MAPK4: variants seen among roughly 807,000 people sequenced by gnomAD.
MAPK4 encodes mitogen-activated protein kinase 4, also known as Erk3-related.
A neutral mutation model predicts 47.7 loss-of-function variants in MAPK4; 22 were observed. The observed-to-expected ratio is 0.46, with a 90% CI of 0.33 to 0.66. The LOEUF is 0.66. Among genes scored for constraint, MAPK4 ranks in the 30% least tolerant of loss-of-function variants. The pLI, the probability that MAPK4 is intolerant of heterozygous loss-of-function variation, is 0.02. For missense variants in MAPK4, 736 were observed against 831.7 expected, an observed-to-expected ratio of 0.88 and a Z score of 1.42; for synonymous variants, 390 against 365.7, an observed-to-expected ratio of 1.07 and a Z score of -0.76.
intron 1 of MAPK4, among the ~76,000 whole-genome samples, chr18:50,592,822 C>T (rs1195186898): frequency 6.6e-6 from 1 of 152,160 alleles, no homozygotes; most frequent in South Asian, 2.1e-4. Context: ...TCATCTAATG[C>T]AGGTAGGTAC....
chr18:50,594,403 A>T (rs1008077411), intron 1 of MAPK4, among the ~76,000 whole-genome samples: 2 of 152,210 alleles, frequency 1.3e-5, no homozygotes, highest in Non-Finnish European at 2.9e-5. Flanking sequence ...TAGTATAAAG[A>T]TAGACAAATA....
chr18:50,677,445 G>C (rs1908335921), intron 2 of MAPK4, among the ~76,000 whole-genome samples: 2 of 152,162 alleles, frequency 1.3e-5, no homozygotes, highest in Non-Finnish European at 2.9e-5. Context: ...GGATTATTCG[G>C]TTACTGAAAG....
chr18:50,660,965 AG>A (rs2043165307), intron 1 of MAPK4, among the ~76,000 whole-genome samples: 3 of 152,256 alleles, frequency 2.0e-5, no homozygotes, highest in Admixed American at 2.0e-4. Context: ...AGAGGGAAAG[AG>A]TTTTAAAAAT....
rs183018605 is a variant in MAPK4, at chr18:50,628,269, A to G, written c.-870-34820A>G. ...CATGAAGTAATTAGAAGTGTGAAGA[A>G]TTCTATCGGGTTCGCTGTTTCCAAA... On this transcript the variant is annotated intron_variant, in intron 1 of 5. Coordinates refer to ENST00000400384, the MANE Select transcript of MAPK4 (RefSeq NM_002747.4). 8.9e-4 allele frequency among the ~76,000 whole-genome samples: 135 copies of G among 152,328 alleles called. 1 individual carries two copies. The highest frequency in any genetic ancestry group is 1.8e-3 in the Non-Finnish European group (120 of 68,022).
chr18:50,702,161 CAA>C (rs36001271), intron 2 of MAPK4, among the ~76,000 whole-genome samples: 1 of 95,914 alleles, frequency 1.0e-5, no homozygotes. Context: ...GATTCTGTCT[CAA>C]AAAAAAAAAA....
At chr18:50,681,067 A>G (rs901789244) in intron 2 of MAPK4, among the ~76,000 whole-genome samples, 4 of 150,402 alleles carry the variant, frequency 2.7e-5, no homozygotes, top group Admixed American at 1.3e-4. Flanking sequence ...CCACATCCTC[A>G]CCAACACTTT....
At chr18:50,587,972 C>T (rs888965503) in intron 1 of MAPK4, among the ~76,000 whole-genome samples, 1 of 152,002 alleles carries the variant, frequency 6.6e-6, no homozygotes, top group Non-Finnish European at 1.5e-5. Context: ...CTCACGTGAT[C>T]CAACCACCTC....
chr18:50,625,205 C>A (rs1295389398), intron 1 of MAPK4, among the ~76,000 whole-genome samples: 2 of 152,120 alleles, frequency 1.3e-5, no homozygotes, highest in Non-Finnish European at 2.9e-5. Context: ...GAGAACAAGT[C>A]AAGGAGGAAC....
In MAPK4 at chr18:50,725,897, G is replaced by A; in HGVS notation, c.854-65G>A. 3.1e-6 allele frequency: 4 copies of A among 1,290,586 alleles called. No individual in the cohort carries two copies. The South Asian group carries it at 4.7e-5, about 15-fold the overall frequency. 79.9% of individuals were successfully genotyped at this position (1,290,586 alleles called of 1,614,324 possible). A position where few individuals can be genotyped will look rare whatever the true frequency, so the allele number is the denominator to read the frequency against. On this transcript the variant is annotated intron_variant, in intron 4 of 5. Transcript: ENST00000400384. ...CCAGCACAGAATGTCACCGTGCTGA[G>A]GAATCTCCTTCTGAGCTCAACAAGG... is the stretch of plus-strand genomic sequence containing the variant.
At chr18:50,710,544 G>A (rs568144774) in intron 2 of MAPK4, among the ~76,000 whole-genome samples, 2 of 152,136 alleles carry the variant, frequency 1.3e-5, no homozygotes, top group East Asian at 1.9e-4. Context: ...TTGGGAGGCC[G>A]AGGTGGACAG....
rs376363938 is a variant in MAPK4 at position 50,664,445 on chromosome 18, G to A, written c.487G>A (p.Val163Met). ...ANIFISTEDLVLKIGDFGLAR... is the reference protein window; with the variant it reads ...ANIFISTEDLMLKIGDFGLAR... ...CATCTTCATCAGCACAGAGGACCTC[G>A]TGCTCAAGATTGGGGATTTCGGGTT... is the stretch of plus-strand genomic sequence containing the variant. The change falls in exon 2 of 6, where the codon GTG becomes ATG. Residue 163 changes from valine (V) to methionine (M), a missense_variant. Coordinates refer to ENST00000400384, the MANE Select transcript of MAPK4 (RefSeq NM_002747.4). This position sits in a 1 kb window ranked among gnomAD's most constrained non-coding sequence, Gnocchi z 6.0. The A allele has an allele frequency of 8.7e-6, 14 of 1,613,146 alleles. No homozygotes were observed. The highest frequency in any genetic ancestry group is 1.7e-5 in the Admixed American group (1 of 59,974).
chr18:50,697,747 C>G (rs1166111219), intron 2 of MAPK4, among the ~76,000 whole-genome samples: 4 of 152,154 alleles, frequency 2.6e-5, no homozygotes, highest in Non-Finnish European at 5.9e-5. Context: ...GAGCCTGGGC[C>G]TACCAGTACA....
chr18:50,670,010 T>G (rs996606428), intron 2 of MAPK4: 1 of 151,936 alleles, frequency 6.6e-6, no homozygotes, highest in Non-Finnish European at 1.5e-5. Flanking sequence ...ATATAAAAAA[T>G]TAGCCGGGCG....
chr18:50,608,789 A>G (rs2042605744), intron 1 of MAPK4, among the ~76,000 whole-genome samples: 1 of 151,970 alleles, frequency 6.6e-6, no homozygotes, highest in South Asian at 2.1e-4. Flanking sequence ...TGGCAGGGTC[A>G]TAGGACAATA....
rs374320234 is a variant in MAPK4, at chr18:50,622,576, A to C, written c.-870-40513A>C. On this transcript the variant is annotated intron_variant, in intron 1 of 5. Coordinates refer to ENST00000400384, the MANE Select transcript of MAPK4 (RefSeq NM_002747.4). Reference sequence around the variant, plus strand: ...CAGCAGCCAGGGCAAGGAGGCCTTCATTCCTCAAGGAGGATTTGGGCCTCA... The same window carrying C: ...CAGCAGCCAGGGCAAGGAGGCCTTCCTTCCTCAAGGAGGATTTGGGCCTCA... 3.3e-5 allele frequency among the ~76,000 whole-genome samples: 5 copies of C among 152,338 alleles called. No individual in the cohort carries two copies. In the East Asian group the frequency reaches 9.6e-4, roughly 29 times the overall value.
intron 1 of MAPK4, among the ~76,000 whole-genome samples, chr18:50,599,256 G>A (rs1044967933): frequency 2.0e-5 from 3 of 151,980 alleles, no homozygotes; most frequent in Non-Finnish European, 2.9e-5. Context: ...ATTATAACAG[G>A]CTCTCACTAA....
intron 1 of MAPK4, among the ~76,000 whole-genome samples, chr18:50,622,436 T>C (rs2042740456): frequency 6.6e-6 from 1 of 152,192 alleles, no homozygotes; most frequent in South Asian, 2.1e-4. Context: ...CTTTGTATTT[T>C]CCTATCCTTG....
intron 1 of MAPK4, among the ~76,000 whole-genome samples, chr18:50,621,742 C>T (rs1321445879): frequency 6.6e-6 from 1 of 152,202 alleles, no homozygotes; most frequent in African/African-American, 2.4e-5. Flanking sequence ...AATGAAACCT[C>T]CATTGTTGCT....
chr18:50,582,357 CAG>C (rs1348443848), intron 1 of MAPK4, among the ~76,000 whole-genome samples: 3 of 152,322 alleles, frequency 2.0e-5, no homozygotes, highest in Middle Eastern at 6.8e-3. Context: ...CCTAGTCACA[CAG>C]AGTGGCCTAA....
Sources: gnomAD v4.1 joint callset for allele counts (sites outside exome capture counted in the v4.1 genomes callset) on GRCh38, gnomAD v4.1.1 for gene constraint, Gnocchi (gnomAD v3.1) non-coding constraint, MANE v1.5 for transcripts, NCBI Gene and HGNC (gene_info 2026-07-23, HGNC 2026-07-21) for gene names.